The following UBAP2L variants were observed in gnomAD, a reference collection of about 807,000 sequenced individuals.
The protein encoded by UBAP2L is ubiquitin-associated protein 2-like.
In UBAP2L, 12 loss-of-function variants were observed where a neutral mutation model predicts 130.6. The observed-to-expected ratio is 0.09, with a 90% CI of 0.06 to 0.15. UBAP2L has a LOEUF of 0.15. Among genes scored for constraint, UBAP2L ranks in the 10% least tolerant of loss-of-function variants. UBAP2L has a pLI of 1.00. For synonymous variants in UBAP2L, 503 were observed against 524.7 expected, an observed-to-expected ratio of 0.96 and a Z score of 0.57; for missense variants, 965 against 1,332.5, an observed-to-expected ratio of 0.72 and a Z score of 4.29.
intron 12 of UBAP2L, among the ~76,000 whole-genome samples, 194 bp from the exon 13 acceptor site, chr1:154,250,847 C>CA (rs1023678670): frequency 0.086 from 4,186 of 48,426 alleles, 196 homozygotes; most frequent in African/African-American, 0.2. Context: ...ACTCCCATCT[C>CA]AAAAAAAAAA....
At chr1:154,243,124 A>G in intron 9 of UBAP2L, 93 bp from the exon 10 acceptor site, 1 of 1,041,940 alleles carries the variant, frequency 9.6e-7, no homozygotes. Context: ...TAGGGCTTTC[A>G]CTTTTTCTTG....
intron 24 of UBAP2L, among the ~76,000 whole-genome samples, chr1:154,266,229 G>C (rs914613433): frequency 6.6e-6 from 1 of 152,142 alleles, no homozygotes; most frequent in African/African-American, 2.4e-5. Context: ...GTATGCTAGT[G>C]AGGTTTGGTC....
intron 10 of UBAP2L, among the ~76,000 whole-genome samples, chr1:154,245,758 C>CA (rs752483138): frequency 0.024 from 3,502 of 143,206 alleles, 150 homozygotes; most frequent in African/African-American, 0.082. Context: ...ATTAAAAATA[C>CA]AAAAAAAAAA....
chr1:154,266,112 G>T (rs1683153804), intron 24 of UBAP2L, among the ~76,000 whole-genome samples: 1 of 152,144 alleles, frequency 6.6e-6, no homozygotes. Context: ...CAGTCTCCAG[G>T]AATAAAACTG....
In UBAP2L at chr1:154,249,331, C is replaced by G. The variant is rs751737325; in HGVS notation, c.1107C>G (p.Ala369=). The change falls in exon 12 of 27, where the codon GCC becomes GCG. Residue 369 remains alanine, a synonymous_variant. Transcript: ENST00000428931. ...GSQFLEQFKT[A]QALAQLAAQH... is the part of the protein sequence containing the mutation. ...AGTTCTTGGAGCAATTCAAGACTGC[C>G]CAAGCCCTGGCTCAGTTGGCAGCTC... 2 of 1,614,142 alleles carry G rather than the reference C, an allele frequency of 1.2e-6. No homozygotes were observed. Among genetic ancestry groups the G allele is most frequent in the Admixed American group, 1.7e-5 (1 of 60,020 alleles).
At chr1:154,233,737 G>T (rs1670691143) in intron 4 of UBAP2L, among the ~76,000 whole-genome samples, 1 of 151,290 alleles carries the variant, frequency 6.6e-6, no homozygotes, top group Non-Finnish European at 1.5e-5. Context: ...ATTAGAGAAC[G>T]TGCCCAAGAG....
At chr1:154,220,489 G>C, upstream of UBAP2L, 2 of 1,528,744 alleles carry the variant, frequency 1.3e-6, no homozygotes, top group Non-Finnish European at 1.8e-6. Context: ...AAGCGACGGC[G>C]CCTGGGTCCC....
At chr1:154,220,732 G>A (rs930830657), upstream of UBAP2L, 4 of 356,372 alleles carry the variant, frequency 1.1e-5, no homozygotes, top group Non-Finnish European at 1.6e-5. Context: ...CAGGGCCGCC[G>A]TGAAGGAGGC....
chr1:154,254,543 T>A (rs12733060), intron 15 of UBAP2L: 61,800 of 503,248 alleles, frequency 0.12, 5,756 homozygotes, highest in East Asian at 0.43. Context: ...GATGTGGACT[T>A]TGGGCCTTTC....
intron 8 of UBAP2L, among the ~76,000 whole-genome samples, chr1:154,238,728 AT>A (rs58465446): frequency 0.014 from 2,029 of 150,122 alleles, 17 homozygotes; most frequent in East Asian, 0.041. Context: ...ATTGTCATTA[AT>A]TTTTTTTTTC....
intron 12 of UBAP2L, among the ~76,000 whole-genome samples, chr1:154,250,143 C>T (rs568151453): frequency 5.3e-5 from 8 of 152,306 alleles, no homozygotes; most frequent in Non-Finnish European, 8.8e-5. Context: ...TTGGCTCACT[C>T]ATCTTCCTGG....
At chr1:154,268,129 TC>T (rs1683895138) in intron 25 of UBAP2L, among the ~76,000 whole-genome samples, 1 of 151,808 alleles carries the variant, frequency 6.6e-6, no homozygotes, top group Non-Finnish European at 1.5e-5. Context: ...CCTCAGGTGA[TC>T]CGCCTGCATT....
chr1:154,271,137 C>T (rs566259616), downstream of UBAP2L: 554 of 570,350 alleles, frequency 9.7e-4, 7 homozygotes, highest in South Asian at 0.013. Flanking sequence ...CATCTACAGC[C>T]GATTTCAGGC....
intron 25 of UBAP2L, among the ~76,000 whole-genome samples, chr1:154,268,482 T>C (rs1218810464): frequency 1.3e-5 from 2 of 152,230 alleles, no homozygotes; most frequent in Admixed American, 1.3e-4. Flanking sequence ...TGAGCCACCA[T>C]GCCCAGCCTA....
At chr1:154,235,879 TG>T (rs35587007) in intron 6 of UBAP2L, among the ~76,000 whole-genome samples, 4,383 of 152,144 alleles carry the variant, frequency 0.029, 205 homozygotes, top group African/African-American at 0.098. Flanking sequence ...AGGTTATAGG[TG>T]TGAGAGACAG....
chr1:154,260,947 C>A lies in UBAP2L; in HGVS notation c.2634C>A (p.Thr878=). ...CCTCCTCCCCAGCCCCGGCCACAAC[C>A]TTGGCCCAACCCCAACAGAACCAGA... The part of the protein sequence containing the change: ...GDASSPAPAT[T]LAQPQQNQTQ... Residue 878 remains threonine (T), a synonymous_variant, in exon 23 of 27, where the codon ACC becomes ACA. Coordinates refer to ENST00000428931, the MANE Select transcript of UBAP2L (RefSeq NM_014847.4). The A allele has an allele frequency of 6.2e-7, 1 of 1,614,234 alleles. No individual in the cohort carries two copies. Among genetic ancestry groups the A allele is most frequent in the Non-Finnish European group, 8.5e-7 (1 of 1,180,046 alleles).
rs895148476 is a variant in UBAP2L, at chr1:154,270,626, T to A, written c.*331T>A. 34 of 1,408,480 alleles carry A rather than the reference T, an allele frequency of 2.4e-5. No individual in the cohort carries two copies. The South Asian group carries it at 5.5e-4, about 23-fold the overall frequency. 87.2% of individuals were successfully genotyped at this position (1,408,480 alleles called of 1,614,324 possible). A position where few individuals can be genotyped will look rare whatever the true frequency, so the allele number is the denominator to read the frequency against. Reference sequence around the variant, plus strand: ...GTGGTGTACGGATGAGGCGGGGAGGTGGGACCCCCAAACATATATCAGCCC... The same window carrying A: ...GTGGTGTACGGATGAGGCGGGGAGGAGGGACCCCCAAACATATATCAGCCC... On this transcript the variant is annotated 3_prime_UTR_variant, in exon 27 of 27. Transcript: ENST00000428931.
At chr1:154,270,849 C>G, downstream of UBAP2L, 1 of 1,476,492 alleles carries the variant, frequency 6.8e-7, no homozygotes, top group Non-Finnish European at 9.1e-7. Flanking sequence ...AAACCTCTAC[C>G]TTCAGCCTCT....
chr1:154,234,858 A>G (rs1460056061), intron 5 of UBAP2L, 99 bp downstream of exon 5: 3 of 1,495,272 alleles, frequency 2.0e-6, no homozygotes, highest in Non-Finnish European at 2.7e-6. Context: ...GAACCATTAT[A>G]TTATCCTTTT....
Sources: allele counts gnomAD v4.1 joint callset (sites outside exome capture counted in the v4.1 genomes callset), GRCh38; gene constraint gnomAD v4.1.1; transcripts MANE v1.5; gene names NCBI Gene and HGNC (gene_info 2026-07-23, HGNC 2026-07-21).